The following YEATS2 variants were observed in gnomAD, a reference collection of about 807,000 sequenced individuals.
YEATS2 encodes the protein YEATS domain containing 2, also known as YEATS domain-containing protein 2.
A neutral mutation model predicts 163.2 loss-of-function variants in YEATS2; 77 were observed. The ratio of observed to expected loss-of-function variants is 0.47; its 90% confidence interval spans 0.39 to 0.57. The LOEUF is 0.57. YEATS2 is among the 20% of genes least tolerant of loss of function. The pLI is 0.00. For synonymous variants in YEATS2, 631 were observed against 645.1 expected (o/e 0.98, Z 0.33); for missense variants, 1,549 against 1,729.8 (o/e 0.90, Z 1.85).
In YEATS2 at chr3:183,791,085, G is replaced by C. The variant is rs1724587879; in HGVS notation, c.3097+105G>C. On this transcript the variant is annotated intron_variant, in intron 21 of 30. Coordinates refer to ENST00000305135, the MANE Select transcript of YEATS2 (RefSeq NM_018023.5). ...GTCTCACTCTGTCGCCCAAGCTAGA[G>C]TGCAATATCACAATCTCGACTCACT... 3.5e-6 allele frequency: 5 copies of C among 1,444,106 alleles called. No individual in the cohort carries two copies. In the South Asian group the frequency reaches 6.6e-5, roughly 19 times the overall value. 89.5% of individuals were successfully genotyped at this position (1,444,106 alleles called of 1,614,324 possible). A position where few individuals can be genotyped will look rare whatever the true frequency, so the allele number is the denominator to read the frequency against.
intron 1 of YEATS2, among the ~76,000 whole-genome samples, chr3:183,703,471 TGTG>T (rs1714319269): frequency 6.6e-6 from 1 of 152,128 alleles, no homozygotes; most frequent in African/African-American, 2.4e-5. Flanking sequence ...CAAAAGTAGT[TGTG>T]GTTTTTACTT....
At chr3:183,763,355 A>G (rs537436019) in intron 15 of YEATS2, among the ~76,000 whole-genome samples, 5 of 152,338 alleles carry the variant, frequency 3.3e-5, no homozygotes, top group African/African-American at 1.2e-4. Flanking sequence ...ATATCTAAAT[A>G]TAGAAAAGAT....
intron 19 of YEATS2, among the ~76,000 whole-genome samples, chr3:183,783,226 G>A (rs1317267150): frequency 6.6e-6 from 1 of 152,196 alleles, no homozygotes; most frequent in Non-Finnish European, 1.5e-5. Flanking sequence ...GACTTACGAT[G>A]ACATAAGATA....
chr3:183,746,568 A>C (rs1263996452), intron 8 of YEATS2, among the ~76,000 whole-genome samples: 1 of 152,060 alleles, frequency 6.6e-6, no homozygotes, highest in Non-Finnish European at 1.5e-5. Flanking sequence ...ATTTGGTCCC[A>C]ACAATGAAAG....
intron 25 of YEATS2, 34 bp downstream of exon 25, chr3:183,801,562 T>TTTGA (rs1210636382): frequency 6.6e-7 from 1 of 1,525,380 alleles, no homozygotes; most frequent in African/African-American, 1.4e-5. Flanking sequence ...GGGGTGCATT[T>TTTGA]TTGAAAGCTG....
chr3:183,703,213 A>G (rs369159600), intron 1 of YEATS2, among the ~76,000 whole-genome samples: 2 of 152,174 alleles, frequency 1.3e-5, no homozygotes, highest in African/African-American at 4.8e-5. Flanking sequence ...ATTCAGGTCC[A>G]GTATAAAATT....
intron 21 of YEATS2, among the ~76,000 whole-genome samples, chr3:183,795,825 A>G (rs977274220): frequency 2.6e-5 from 4 of 152,122 alleles, no homozygotes; most frequent in Non-Finnish European, 5.9e-5. Flanking sequence ...TGTCTCTGGA[A>G]GTATTACTAC....
intron 20 of YEATS2, among the ~76,000 whole-genome samples, chr3:183,786,929 T>C (rs1724121213): frequency 6.6e-6 from 1 of 152,124 alleles, no homozygotes; most frequent in South Asian, 2.1e-4. Context: ...GTATACCTAG[T>C]GATGGAATTG....
chr3:183,804,642 C>T (rs1726001422), intron 27 of YEATS2, among the ~76,000 whole-genome samples: 1 of 152,192 alleles, frequency 6.6e-6, no homozygotes. Flanking sequence ...GCGGGAGGCA[C>T]TTGTGAAAAC....
intron 2 of YEATS2, among the ~76,000 whole-genome samples, chr3:183,716,226 TG>T: frequency 6.6e-6 from 1 of 152,310 alleles, no homozygotes; most frequent in East Asian, 1.9e-4. Flanking sequence ...CCCAAAGTGC[TG>T]GGATTACAGA....
At position 183,790,949 on chromosome 3, in the gene YEATS2, A is replaced by C; in HGVS notation, c.3066A>C (p.Pro1022=). ...VVSATSLVPT[P]NPISGKATVS... ...GCGCCACGTCCCTCGTGCCTACACC[A>C]AACCCCATCTCTGGGAAAGCCACAG... Residue 1022 remains proline, a synonymous_variant, in exon 21 of 31, where the codon CCA becomes CCC. Transcript: ENST00000305135. 1.2e-6 allele frequency: 2 copies of C among 1,614,106 alleles called. No individual in the cohort carries two copies. The highest frequency in any genetic ancestry group is 1.7e-6 in the Non-Finnish European group (2 of 1,179,982).
chr3:183,730,312 G>C (rs181908656), intron 7 of YEATS2, among the ~76,000 whole-genome samples: 1 of 151,894 alleles, frequency 6.6e-6, no homozygotes, highest in Non-Finnish European at 1.5e-5. Flanking sequence ...CCCCCTGCCC[G>C]CCTTGGCCTC....
intron 9 of YEATS2, among the ~76,000 whole-genome samples, chr3:183,748,981 C>T (rs1018435283): frequency 4.0e-5 from 6 of 151,898 alleles, no homozygotes; most frequent in Admixed American, 6.6e-5. Context: ...CTCACTCTGT[C>T]GCCCAGTCTG....
chr3:183,709,439 A>AT (rs1205093267), intron 1 of YEATS2, among the ~76,000 whole-genome samples: 1 of 146,406 alleles, frequency 6.8e-6, no homozygotes, highest in Non-Finnish European at 1.5e-5. Flanking sequence ...GGTTCAGGAG[A>AT]TTCTCGTGCC....
In YEATS2 at chr3:183,793,433, C is replaced by T. The variant is rs188222527; in HGVS notation, c.3097+2453C>T. 175 of 1,007,068 alleles carry T rather than the reference C, an allele frequency of 1.7e-4. No homozygotes were observed. The African/African-American group carries it at 2.7e-3, about 16-fold the overall frequency. 62.4% of individuals were successfully genotyped at this position (1,007,068 alleles called of 1,614,324 possible). On this transcript the variant is annotated intron_variant, in intron 21 of 30. Transcript: ENST00000305135. ...TCTACTAACTGTTTTATTTGAGGCC[C>T]TGTGTTGGATACTGGAGTAGAAATT...
At chr3:183,727,508 T>C (rs1459381742) in intron 6 of YEATS2, among the ~76,000 whole-genome samples, 1 of 152,166 alleles carries the variant, frequency 6.6e-6, no homozygotes, top group Non-Finnish European at 1.5e-5. Flanking sequence ...TTCATGACTT[T>C]CATGAGCTGG....
intron 8 of YEATS2, among the ~76,000 whole-genome samples, chr3:183,743,902 A>G (rs1719233944): frequency 6.6e-6 from 1 of 152,032 alleles, no homozygotes; most frequent in African/African-American, 2.4e-5. Flanking sequence ...TTCAAGCTTA[A>G]GCCATGCTGA....
intron 20 of YEATS2, among the ~76,000 whole-genome samples, chr3:183,789,525 ATTTTTTTTTTTTTT>A (rs143473253): frequency 1.1e-4 from 7 of 66,350 alleles, no homozygotes; most frequent in African/African-American, 3.4e-4. Context: ...ATTCGAGTTA[ATTTTTTTTTTTTTT>A]TTTTTTTTTT....
At position 183,722,078 on chromosome 3, in the gene YEATS2, A is replaced by T. The variant is rs1473376434; in HGVS notation, c.479A>T (p.Asp160Val). 2 of 1,614,034 alleles carry T rather than the reference A, an allele frequency of 1.2e-6. No homozygotes were observed. Among genetic ancestry groups the T allele is most frequent in the Admixed American group, 3.3e-5 (2 of 59,996 alleles). Residue 160 changes from aspartate to valine, a missense_variant, in exon 5 of 31, where the codon GAT (aspartate) becomes GTT (valine). Transcript: ENST00000305135. ...LSDKDNNSNM[D>V]IEERLSNNME... is the part of the protein sequence containing the mutation. Reference sequence around the variant, plus strand: ...GACAAAGATAATAACAGCAATATGGATATAGAGGAAAGACTCTCAAACAAC... The same window carrying T: ...GACAAAGATAATAACAGCAATATGGTTATAGAGGAAAGACTCTCAAACAAC...
Sources: gnomAD v4.1 joint callset for allele counts (sites outside exome capture counted in the v4.1 genomes callset) on GRCh38, gnomAD v4.1.1 for gene constraint, MANE v1.5 for transcripts, NCBI Gene and HGNC (gene_info 2026-07-23, HGNC 2026-07-21) for gene names.